CLVS1: variants seen among roughly 807,000 people sequenced by gnomAD.
CLVS1 encodes the protein clavesin-1.
In CLVS1, 10 loss-of-function variants were observed where a neutral mutation model predicts 33.1. The observed-to-expected ratio is 0.30, with a 90% CI of 0.19 to 0.51. CLVS1 has a LOEUF of 0.51. CLVS1 is among the 20% of genes least tolerant of loss of function. The probability of loss-of-function intolerance (pLI) is 0.97; values close to 1 mark genes in which losing one functional copy is unlikely to be tolerated. For synonymous variants in CLVS1, 163 were observed against 166.1 expected (o/e 0.98, Z 0.14); for missense variants, 343 against 433.4 (o/e 0.79, Z 1.85).
At chr8:61,252,735 G>A (rs1034106367) in intron 2 of CLVS1, among the ~76,000 whole-genome samples, 15 of 152,140 alleles carry the variant, frequency 9.9e-5, no homozygotes, top group South Asian at 6.2e-4. Flanking sequence ...GATTACAATC[G>A]CAACTCCTGC....
At chr8:61,353,657 A>C (rs1029306784) in intron 2 of CLVS1, among the ~76,000 whole-genome samples, 8 of 151,810 alleles carry the variant, frequency 5.3e-5, no homozygotes, top group African/African-American at 1.9e-4. Flanking sequence ...TCTCAAGTCA[A>C]AAATCTGTTC....
chr8:60,998,379 C>T, the CLVS1 span, among the ~76,000 whole-genome samples: 2 of 152,142 alleles, frequency 1.3e-5, no homozygotes, highest in African/African-American at 2.4e-5. Context: ...TCCACTGCCA[C>T]AATGTCACAC....
rs143513763 is a variant in CLVS1, at chr8:61,371,130, C to G, written c.456-5475C>G. ...TCCCACCAGCAGTGTAAAAGCGTTCCCTTTTCACCACATCCATGCCAACAA... is the reference window on the plus strand; with the variant it reads ...TCCCACCAGCAGTGTAAAAGCGTTCGCTTTTCACCACATCCATGCCAACAA... On this transcript the variant is annotated intron_variant, in intron 2 of 5. Transcript: ENST00000325897. 5.5e-3 allele frequency among the ~76,000 whole-genome samples: 844 copies of G among 152,226 alleles called. 8 individuals are homozygous for G. The highest frequency in any genetic ancestry group is 0.019 in the African/African-American group (802 of 41,528).
chr8:61,085,867 C>CA (rs1189387097), intron 1 of CLVS1, among the ~76,000 whole-genome samples: 1 of 151,128 alleles, frequency 6.6e-6, no homozygotes, highest in East Asian at 1.9e-4. Flanking sequence ...ACTAAAAATA[C>CA]AAAAAAATTA....
rs538051886 is a variant in CLVS1 at position 61,455,145 on chromosome 8, A to G, written c.741+894A>G. On this transcript the variant is annotated intron_variant, in intron 4 of 5. Transcript: ENST00000325897. ...GTGAAATGATTACCACAATCAAGCT[A>G]TTAACACATCTATCACCTCCTATAA... Among the ~76,000 whole-genome samples the G allele has an allele frequency of 5.9e-5, 9 of 151,672 alleles. No homozygotes were observed. The South Asian group carries it at 1.7e-3, about 28-fold the overall frequency.
At chr8:61,190,134 C>A (rs1315510562) in intron 2 of CLVS1, among the ~76,000 whole-genome samples, 1 of 152,186 alleles carries the variant, frequency 6.6e-6, no homozygotes, top group Non-Finnish European at 1.5e-5. Flanking sequence ...TAAAGCACTC[C>A]TCAGCGAATA....
intron 1 of CLVS1, among the ~76,000 whole-genome samples, chr8:61,058,766 A>T (rs1031823080): frequency 1.3e-5 from 2 of 151,896 alleles, no homozygotes; most frequent in Admixed American, 6.6e-5. Context: ...CATTTTCTAG[A>T]ATTTGATATA....
At position 61,230,935 on chromosome 8, in the gene CLVS1, T is replaced by A. The variant is rs1808418158; in HGVS notation, c.-151-68742T>A. On this transcript the variant is annotated intron_variant, in intron 2 of 2. Transcript: ENST00000522621. ...GAGAGGGCAAGGGGGCTCTCTGGGG[T>A]GTACTTTAAGAGAGTACTAATCCTA... Among the ~76,000 whole-genome samples the A allele has an allele frequency of 3.9e-5, 6 of 152,158 alleles. No homozygotes were observed. The South Asian group carries it at 1.0e-3, about 26-fold the overall frequency.
chr8:60,975,954 A>G, the CLVS1 span, among the ~76,000 whole-genome samples: 2 of 152,182 alleles, frequency 1.3e-5, no homozygotes, highest in Non-Finnish European at 2.9e-5. Flanking sequence ...GAGTACATAC[A>G]ATAAGTACAA....
At chr8:61,041,912 A>T in the CLVS1 span, among the ~76,000 whole-genome samples, 1 of 151,898 alleles carries the variant, frequency 6.6e-6, no homozygotes, top group African/African-American at 2.4e-5. Flanking sequence ...AGAAGGTCTG[A>T]CTCTGTCATC....
chr8:60,980,251 C>A, the CLVS1 span, among the ~76,000 whole-genome samples: 2 of 152,238 alleles, frequency 1.3e-5, no homozygotes, highest in Admixed American at 6.5e-5. Flanking sequence ...TTTGCCTTTT[C>A]TTTAACCATT....
Position 61,406,635 on chromosome 8 carries a change from T to A in CLVS1, c.630+29856T>A, listed in dbSNP as rs138444967. 2.3e-3 allele frequency among the ~76,000 whole-genome samples: 344 copies of A among 150,674 alleles called. 8 individuals are homozygous for A. In the East Asian group the frequency reaches 0.048, roughly 21 times the overall value. ...TTTTTTTGTGGGGGGGGGGATGGAGTCTTGCTCTGTCACCCAGGCTGGTGT... is the reference window on the plus strand; with the variant it reads ...TTTTTTTGTGGGGGGGGGGATGGAGACTTGCTCTGTCACCCAGGCTGGTGT... On this transcript the variant is annotated intron_variant, in intron 3 of 5. Coordinates refer to ENST00000325897, the MANE Select transcript of CLVS1 (RefSeq NM_173519.3).
At chr8:60,992,237 C>G in the CLVS1 span, among the ~76,000 whole-genome samples, 1 of 152,210 alleles carries the variant, frequency 6.6e-6, no homozygotes. Context: ...ATTTTTTACT[C>G]ATCTGTAAAC....
intron 1 of CLVS1, among the ~76,000 whole-genome samples, chr8:61,125,577 A>G (rs377075377): frequency 6.6e-6 from 1 of 152,262 alleles, no homozygotes; most frequent in Non-Finnish European, 1.5e-5. Flanking sequence ...AGTAGGTCCC[A>G]CAATAGATGC....
rs190017974 is a variant in CLVS1 at position 61,123,539 on chromosome 8, A to G, written c.-242-8231A>G. ...TTTAATCAAGAATGTTTTGGAGAAA[A>G]TTTTAAAATCCTAATTTTTTCCCCA... On this transcript the variant is annotated intron_variant, in intron 1 of 2. Transcript: ENST00000522621. Among the ~76,000 whole-genome samples the G allele has an allele frequency of 3.9e-4, 60 of 152,342 alleles. No individual in the cohort carries two copies. The East Asian group carries it at 9.1e-3, about 23-fold the overall frequency.
chr8:61,241,577 G>A (rs531133488), intron 2 of CLVS1, among the ~76,000 whole-genome samples: 1 of 152,056 alleles, frequency 6.6e-6, no homozygotes, highest in East Asian at 1.9e-4. Flanking sequence ...GATAAAAGTA[G>A]GCTTACAGGT....
intron 1 of CLVS1, among the ~76,000 whole-genome samples, chr8:61,071,147 G>A (rs934348099): frequency 3.9e-5 from 6 of 152,230 alleles, no homozygotes; most frequent in African/African-American, 7.2e-5. Flanking sequence ...TGAGGCCAAC[G>A]CGTCTTTACC....
At chr8:61,023,107 A>T in the CLVS1 span, among the ~76,000 whole-genome samples, 1 of 152,228 alleles carries the variant, frequency 6.6e-6, no homozygotes, top group Admixed American at 6.5e-5. Flanking sequence ...GAGGAAAATA[A>T]ATATTATAGA....
chr8:60,979,357 C>T, the CLVS1 span, among the ~76,000 whole-genome samples: 1 of 152,186 alleles, frequency 6.6e-6, no homozygotes, highest in Non-Finnish European at 1.5e-5. Flanking sequence ...ATTTCCAGCA[C>T]AGATGAGCAC....
Sources: allele counts gnomAD v4.1 joint callset (sites outside exome capture counted in the v4.1 genomes callset), GRCh38; gene constraint gnomAD v4.1.1; transcripts MANE v1.5; gene names NCBI Gene and HGNC (gene_info 2026-07-23, HGNC 2026-07-21).